FOXN2: variants seen among roughly 807,000 people sequenced by gnomAD.
FOXN2 encodes forkhead box N2, also known as forkhead box protein N2.
FOXN2 carries 19 observed loss-of-function variants against 41.2 expected under a neutral mutation model. That is an observed-to-expected ratio of 0.46 (90% CI 0.32 to 0.68). The LOEUF is 0.68. Among genes scored for constraint, FOXN2 ranks in the 30% least tolerant of loss-of-function variants. FOXN2 has a pLI of 0.03. For synonymous variants in FOXN2, 195 were observed against 176.8 expected, an observed-to-expected ratio of 1.10 and a Z score of -0.82; for missense variants, 587 against 509.4, an observed-to-expected ratio of 1.15 and a Z score of -1.47.
rs1374325940 is a variant in FOXN2, at chr2:48,378,150, C to G, written c.*2707C>G. 1 of 152,386 alleles carries G rather than the reference C, an allele frequency of 6.6e-6. No individual in the cohort carries two copies. Among genetic ancestry groups the G allele is most frequent in the East Asian group, 1.9e-4 (1 of 5,198 alleles). 9.4% of individuals were successfully genotyped at this position (152,386 alleles called of 1,614,324 possible). On this transcript the variant is annotated 3_prime_UTR_variant, in exon 7 of 7. Coordinates refer to ENST00000340553, the MANE Select transcript of FOXN2 (RefSeq NM_002158.4). The stretch of plus-strand genomic sequence containing the variant: ...AACACAATTGTTCATCTTCACATCC[C>G]AAACAGAATCACTGTTTCTTGAATA...
chr2:48,346,846 A>T (rs1156665058), intron 3 of FOXN2, 95 bp downstream of exon 3: 3 of 1,034,810 alleles, frequency 2.9e-6, no homozygotes, highest in African/African-American at 1.6e-5. Context: ...GACAATAAGT[A>T]GTCAAGTCAA....
intron 2 of FOXN2, among the ~76,000 whole-genome samples, chr2:48,334,944 G>A (rs1278107984): frequency 1.3e-5 from 2 of 152,162 alleles, no homozygotes; most frequent in Admixed American, 6.5e-5. Flanking sequence ...ACACTAGTTT[G>A]CAGCATAAAT....
At chr2:48,343,761 T>TAA (rs397974986) in intron 2 of FOXN2, among the ~76,000 whole-genome samples, 51 of 144,218 alleles carry the variant, frequency 3.5e-4, no homozygotes, top group South Asian at 1.8e-3. Flanking sequence ...CCTGTCTCTT[T>TAA]AAAAAAAAAA....
intron 1 of FOXN2, among the ~76,000 whole-genome samples, chr2:48,327,210 C>CA (rs2104174198): frequency 6.6e-6 from 1 of 152,000 alleles, no homozygotes; most frequent in South Asian, 2.1e-4. Flanking sequence ...ACACTGCAAA[C>CA]ATTAATCTGT....
intron 2 of FOXN2, among the ~76,000 whole-genome samples, chr2:48,332,879 C>T (rs1003574777): frequency 2.6e-5 from 4 of 152,114 alleles, no homozygotes; most frequent in Admixed American, 2.0e-4. Flanking sequence ...TAGTGAAAAG[C>T]AGGGCTGGGA....
intron 5 of FOXN2, among the ~76,000 whole-genome samples, chr2:48,369,313 G>A (rs1165778703): frequency 1.3e-5 from 2 of 152,164 alleles, no homozygotes; most frequent in Admixed American, 6.5e-5. Context: ...CAAGGCGGGT[G>A]GATCATCTGA....
intron 5 of FOXN2, among the ~76,000 whole-genome samples, chr2:48,372,398 A>G (rs1317017635): frequency 6.6e-6 from 1 of 152,228 alleles, no homozygotes; most frequent in Non-Finnish European, 1.5e-5. Context: ...TCTTTATGGT[A>G]ATAAAAATTT....
intron 5 of FOXN2, among the ~76,000 whole-genome samples, chr2:48,368,520 C>T (rs1213911528): frequency 6.6e-6 from 1 of 152,066 alleles, no homozygotes; most frequent in East Asian, 1.9e-4. Context: ...GGTGAAACCC[C>T]ATCTCTACCA....
At chr2:48,349,312 C>T (rs535461159) in intron 3 of FOXN2, among the ~76,000 whole-genome samples, 54 of 152,128 alleles carry the variant, frequency 3.5e-4, no homozygotes, top group Non-Finnish European at 1.5e-4. Flanking sequence ...ATGGCAAAAC[C>T]CTGTCTCTAC....
At chr2:48,339,877 A>G (rs949212712) in intron 2 of FOXN2, among the ~76,000 whole-genome samples, 3 of 152,210 alleles carry the variant, frequency 2.0e-5, no homozygotes, top group African/African-American at 7.2e-5. Flanking sequence ...AAACAATTAA[A>G]TGTTCCTTAA....
intron 3 of FOXN2, among the ~76,000 whole-genome samples, chr2:48,351,845 A>G (rs113564946): frequency 6.6e-6 from 1 of 152,184 alleles, no homozygotes; most frequent in African/African-American, 2.4e-5. Context: ...GGAAATTTTT[A>G]TGGAAAAGTT....
chr2:48,374,957 A>G lies in FOXN2; in HGVS notation c.810A>G (p.Lys270=). The change falls in exon 7 of 7, where the codon AAA becomes AAG. Residue 270 remains lysine, a synonymous_variant. Transcript: ENST00000340553. Reference sequence around the variant, plus strand: ...TTCCTCTTAAAACAGCATTGCAAAAAAAGAGGAGTTACGGCAATGCATTTC... The same window carrying G: ...TTCCTCTTAAAACAGCATTGCAAAAGAAGAGGAGTTACGGCAATGCATTTC... The part of the protein sequence containing the change: ...KPLPLKTALQ[K]KRSYGNAFHH... 6 of 1,613,224 alleles carry G rather than the reference A, an allele frequency of 3.7e-6. No homozygotes were observed. Among genetic ancestry groups the G allele is most frequent in the Non-Finnish European group, 5.1e-6 (6 of 1,179,388 alleles).
intron 5 of FOXN2, among the ~76,000 whole-genome samples, chr2:48,369,196 T>C (rs1572776862): frequency 6.6e-6 from 1 of 152,224 alleles, no homozygotes; most frequent in African/African-American, 2.4e-5. Context: ...GTTTTAGGTG[T>C]TGTGTTTCAA....
intron 2 of FOXN2, among the ~76,000 whole-genome samples, chr2:48,338,159 C>T (rs1445461239): frequency 1.3e-5 from 2 of 152,160 alleles, no homozygotes; most frequent in African/African-American, 4.8e-5. Flanking sequence ...CACAAAAAAA[C>T]TTCCTTTATC....
chr2:48,373,181 T>A, intron 5 of FOXN2, 111 bp from the exon 6 acceptor site: 3 of 721,176 alleles, frequency 4.2e-6, no homozygotes, highest in Non-Finnish European at 7.1e-6. Context: ...TTATGCTTTC[T>A]TAGAATATAC....
At chr2:48,371,314 T>G (rs893671109) in intron 5 of FOXN2, among the ~76,000 whole-genome samples, 1 of 152,086 alleles carries the variant, frequency 6.6e-6, no homozygotes, top group African/African-American at 2.4e-5. Flanking sequence ...CAAGAATCGC[T>G]TGAACCTGGG....
chr2:48,330,096 A>T (rs1253689313), intron 2 of FOXN2, among the ~76,000 whole-genome samples: 3 of 152,108 alleles, frequency 2.0e-5, no homozygotes, highest in Non-Finnish European at 4.4e-5. Context: ...CTTTTTAAAA[A>T]TGAGGTAGTC....
rs113546529 is a variant in FOXN2, at chr2:48,376,505, A to C, written c.*1062A>C. On this transcript the variant is annotated 3_prime_UTR_variant, in exon 7 of 7. Transcript: ENST00000340553. ...ATTAAATCTTAATAGATTTAATGCA[A>C]TTTTACAGACACAATACCTTCATGA... is the stretch of plus-strand genomic sequence containing the variant. 594 of 152,604 alleles carry C rather than the reference A, an allele frequency of 3.9e-3. 5 individuals carry two copies. Among genetic ancestry groups the C allele is most frequent in the African/African-American group, 0.013 (557 of 41,562 alleles). The allele number at this position is 152,604 out of a possible 1,614,324, so 9.5% of individuals were successfully genotyped here.
At chr2:48,319,844 C>G (rs1669179519) in intron 1 of FOXN2, among the ~76,000 whole-genome samples, 1 of 135,202 alleles carries the variant, frequency 7.4e-6, no homozygotes, top group Non-Finnish European at 1.5e-5. Context: ...GTTGCCCAGG[C>G]TCGTCTCAAA....
Sources: gnomAD v4.1 joint callset for allele counts (sites outside exome capture counted in the v4.1 genomes callset) on GRCh38, gnomAD v4.1.1 for gene constraint, MANE v1.5 for transcripts, NCBI Gene and HGNC (gene_info 2026-07-23, HGNC 2026-07-21) for gene names.